BSND: variants seen among roughly 807,000 people sequenced by gnomAD.
BSND encodes barttin.
In BSND, 13 loss-of-function variants were observed where a neutral mutation model predicts 18.8. That is an observed-to-expected ratio of 0.69 (90% CI 0.45 to 1.10). The LOEUF (loss-of-function observed/expected upper bound fraction) is 1.10. BSND is among the 50% of genes least tolerant of loss of function. The pLI is 0.00. For synonymous variants in BSND, 170 were observed against 161.8 expected (o/e 1.05, Z -0.39); for missense variants, 379 against 416.7 (o/e 0.91, Z 0.79).
chr1:55,009,018 G>A lies in BSND; in HGVS notation c.*390G>A. On this transcript the variant is annotated 3_prime_UTR_variant, in exon 4 of 4. Coordinates refer to ENST00000651561, the MANE Select transcript of BSND (RefSeq NM_057176.3). ...CCTATTGTGTCTTATAGTCCACTTGGTAGATGGCGTGATCCGTCTTTACAC... is the reference window on the plus strand; with the variant it reads ...CCTATTGTGTCTTATAGTCCACTTGATAGATGGCGTGATCCGTCTTTACAC... The A allele has an allele frequency of 3.0e-6, 1 of 335,246 alleles. No homozygotes were observed. Among genetic ancestry groups the A allele is most frequent in the South Asian group, 2.6e-5 (1 of 38,728 alleles). The allele number at this position is 335,246 out of a possible 1,614,324, so 20.8% of individuals were successfully genotyped here.
rs369550458 is a variant in BSND at position 55,016,812 on chromosome 1, C to T, written c.*8184C>T. 1.6e-4 allele frequency among the ~76,000 whole-genome samples: 24 copies of T among 152,294 alleles called. No homozygotes were observed. In the South Asian group the frequency reaches 3.1e-3, roughly 20 times the overall value. Reference sequence around the variant, plus strand: ...ACTTACAGAAGGCAGTTTATCATAGCGTTGATGATGGTAGATGAAATGTGG... The same window carrying T: ...ACTTACAGAAGGCAGTTTATCATAGTGTTGATGATGGTAGATGAAATGTGG... On this transcript the variant is annotated 3_prime_UTR_variant, in exon 4 of 4. Transcript: ENST00000651561.
chr1:54,999,422 T>C, intron 1 of BSND, 59 bp downstream of exon 1: 1 of 1,528,982 alleles, frequency 6.5e-7, no homozygotes. Flanking sequence ...GGCTGGACAC[T>C]GTGCCTGTAT....
chr1:55,003,645 C>T (rs910712766), intron 1 of BSND, among the ~76,000 whole-genome samples: 5 of 152,074 alleles, frequency 3.3e-5, no homozygotes, highest in African/African-American at 4.8e-5. Flanking sequence ...AGTGGGGTCT[C>T]AACAAATATT....
intron 1 of BSND, among the ~76,000 whole-genome samples, chr1:55,002,059 A>G (rs921614562): frequency 2.6e-5 from 4 of 152,058 alleles, no homozygotes; most frequent in Non-Finnish European, 5.9e-5. Context: ...GGGCAGCCAT[A>G]CCAGTGGGGA....
At position 54,999,250 on chromosome 1, in the gene BSND, G is replaced by A. The variant is rs145048739; in HGVS notation, c.64G>A (p.Gly22Ser). The A allele has an allele frequency of 9.3e-6, 15 of 1,614,002 alleles. No individual in the cohort carries two copies. Among genetic ancestry groups the A allele is most frequent in the African/African-American group, 6.7e-5 (5 of 74,902 alleles). Residue 22 changes from glycine to serine, a missense_variant, in exon 1 of 4, where the codon GGT becomes AGT. Physicochemically the swap from Gly to Ser is moderately conservative, Grantham distance 56. Transcript: ENST00000651561. The stretch of plus-strand genomic sequence containing the variant: ...GCTGGGGCTTTTCCTGCTGGCCCTC[G>A]GTACGTTCCTCATGAGCCATGATCG... ...IVLGLFLLAL[G>S]TFLMSHDRPQ...
rs542100358 is a variant in BSND, at chr1:55,013,467, C to G, written c.*4839C>G. On this transcript the variant is annotated 3_prime_UTR_variant, in exon 4 of 4. Transcript: ENST00000651561. ...TGTGAGTCACTGCACCCAGCTGTCCCCATTTTATAGATGAGGAACTGAGGC... is the reference window on the plus strand; with the variant it reads ...TGTGAGTCACTGCACCCAGCTGTCCGCATTTTATAGATGAGGAACTGAGGC... Among the ~76,000 whole-genome samples, 1 of 152,228 alleles carries G rather than the reference C, an allele frequency of 6.6e-6. No individual in the cohort carries two copies. The highest frequency in any genetic ancestry group is 6.5e-5 in the Admixed American group (1 of 15,282).
chr1:55,008,479 A>G lies in BSND; in HGVS notation c.814A>G (p.Arg272Gly). ...ALPNNWQRYP[R>G]TKVEEKEASD... ...GCCCAACAACTGGCAGCGGTACCCA[A>G]GGACAAAGGTGGAGGAGAAGGAGGC... is the stretch of plus-strand genomic sequence containing the variant. Residue 272 changes from arginine to glycine, a missense_variant, in exon 4 of 4, where the codon AGG becomes GGG. Physicochemically the swap from Arg to Gly is moderately radical, Grantham distance 125. Coordinates refer to ENST00000651561, the MANE Select transcript of BSND (RefSeq NM_057176.3). 1 of 1,614,196 alleles carries G rather than the reference A, an allele frequency of 6.2e-7. No homozygotes were observed. Among genetic ancestry groups the G allele is most frequent in the Non-Finnish European group, 8.5e-7 (1 of 1,180,014 alleles).
rs2500340 is a variant in BSND, at chr1:54,999,070, T to C, written c.-117T>C. 949,640 of 1,292,140 alleles carry C rather than the reference T, an allele frequency of 0.73. 355,179 individuals are homozygous for C. The highest frequency in any genetic ancestry group is 0.78 in the Non-Finnish European group (713,143 of 913,888). The allele number at this position is 1,292,140 out of a possible 1,614,324, so 80.0% of individuals were successfully genotyped here. On this transcript the variant is annotated 5_prime_UTR_variant, in exon 1 of 4. Transcript: ENST00000651561. Reference sequence around the variant, plus strand: ...GGGATCTTGCTCTCCCTTGAAGCCTTGAGTTGCAGCGATTTCAGTGTCTTC... The same window carrying C: ...GGGATCTTGCTCTCCCTTGAAGCCTCGAGTTGCAGCGATTTCAGTGTCTTC...
intron 3 of BSND, 102 bp from the exon 4 acceptor site, chr1:55,008,112 G>C: frequency 1.1e-6 from 1 of 949,854 alleles, no homozygotes; most frequent in Admixed American, 2.1e-5. Context: ...GGCCCGGGAA[G>C]GTGGATTATC....
In BSND at chr1:54,999,476, T is replaced by C. The variant is rs1422561684; in HGVS notation, c.177+113T>C. 4 of 1,128,032 alleles carry C rather than the reference T, an allele frequency of 3.5e-6. No individual in the cohort carries two copies. In the East Asian group the frequency reaches 1.0e-4, roughly 29 times the overall value. The allele number at this position is 1,128,032 out of a possible 1,614,324, so 69.9% of individuals were successfully genotyped here. On this transcript the variant is annotated intron_variant, in intron 1 of 3. Transcript: ENST00000651561. ...TCCTTTAGTTGTCTTTTCATTCTTC[T>C]CATTTTGACTCGGTCTTCTCTCTGC... is the stretch of plus-strand genomic sequence containing the variant.
Position 55,013,525 on chromosome 1 carries a change from G to A in BSND, c.*4897G>A, listed in dbSNP as rs12075602. ...AGCTGAATAATTTGCCCATCCTTGC[G>A]GAGAAGAGCTAAATGGAGGAGAGGA... is the stretch of plus-strand genomic sequence containing the variant. On this transcript the variant is annotated 3_prime_UTR_variant, in exon 4 of 4. Coordinates refer to ENST00000651561, the MANE Select transcript of BSND (RefSeq NM_057176.3). Among the ~76,000 whole-genome samples the A allele has an allele frequency of 0.19, 29,024 of 152,020 alleles. 3,840 individuals carry two copies. Among genetic ancestry groups the A allele is most frequent in the African/African-American group, 0.38 (15,680 of 41,384 alleles).
In BSND at chr1:55,008,300, A is replaced by T. The variant is rs200071888; in HGVS notation, c.635A>T (p.Asn212Ile). The change falls in exon 4 of 4, where the codon AAT becomes ATT. Residue 212 changes from asparagine to isoleucine, a missense_variant. Transcript: ENST00000651561. The part of the protein sequence containing the change: ...DMDSSEGSSP[N>I]ASPHDREEAC... ...GACTCCAGTGAAGGCAGCAGCCCCA[A>T]TGCATCTCCACATGACAGGGAGGAA... The T allele has an allele frequency of 6.2e-7, 1 of 1,614,052 alleles. No individual in the cohort carries two copies. Among genetic ancestry groups the T allele is most frequent in the Non-Finnish European group, 8.5e-7 (1 of 1,180,036 alleles).
At chr1:55,000,638 GC>G (rs1459010262) in intron 1 of BSND, among the ~76,000 whole-genome samples, 1 of 152,234 alleles carries the variant, frequency 6.6e-6, no homozygotes, top group Non-Finnish European at 1.5e-5. Flanking sequence ...CCCCAGCCCT[GC>G]CCCCTCCACG....
At chr1:55,002,169 T>C (rs1644364480) in intron 1 of BSND, among the ~76,000 whole-genome samples, 1 of 152,202 alleles carries the variant, frequency 6.6e-6, no homozygotes, top group African/African-American at 2.4e-5. Flanking sequence ...ACAGTTCACT[T>C]CACATAGAGT....
At chr1:55,005,160 G>A (rs1644383425) in intron 2 of BSND, 44 bp downstream of exon 2, 2 of 1,577,146 alleles carry the variant, frequency 1.3e-6, no homozygotes, top group Non-Finnish European at 8.7e-7. Flanking sequence ...AAGCCCCATA[G>A]GCCAGTCTCC....
rs375551000 is a variant in BSND at position 55,007,270 on chromosome 1, C to T, written c.546C>T (p.Pro182=). The T allele has an allele frequency of 9.0e-5, 122 of 1,349,476 alleles. No homozygotes were observed. The highest frequency in any genetic ancestry group is 4.2e-4 in the Middle Eastern group (2 of 4,730). 83.6% of individuals were successfully genotyped at this position (1,349,476 alleles called of 1,614,324 possible). ...AAAGACGCCTAACTCAGAGCTGGCCCGGGTGAGTGCTTAGAGGGCAGGAGT... is the reference window on the plus strand; with the variant it reads ...AAAGACGCCTAACTCAGAGCTGGCCTGGGTGAGTGCTTAGAGGGCAGGAGT... ...EGERRLTQSW[P]GPLACPQGPA... Residue 182 remains proline (P), a splice_region_variant and synonymous_variant, in exon 3 of 4, where the codon CCC becomes CCT. Coordinates refer to ENST00000651561, the MANE Select transcript of BSND (RefSeq NM_057176.3).
intron 2 of BSND, among the ~76,000 whole-genome samples, chr1:55,005,760 G>A (rs942369836): frequency 7.9e-5 from 12 of 152,214 alleles, no homozygotes; most frequent in Non-Finnish European, 2.9e-5. Flanking sequence ...ACCCTGTAAG[G>A]TGGGGGTGTT....
Position 55,008,366 on chromosome 1 carries a change from C to A in BSND, c.701C>A (p.Pro234Gln), listed in dbSNP as rs563130435. ...PQQEPQGCRC[P>Q]LDRFQDFALI... ...CAGGAACCTCAGGGCTGCAGGTGCC[C>A]GCTGGACCGCTTCCAAGACTTTGCC... is the stretch of plus-strand genomic sequence containing the variant. The change falls in exon 4 of 4, where the codon CCG becomes CAG. Residue 234 changes from proline (P) to glutamine (Q), a missense_variant. Transcript: ENST00000651561. The A allele has an allele frequency of 6.2e-7, 1 of 1,614,074 alleles. No individual in the cohort carries two copies. Among genetic ancestry groups the A allele is most frequent in the Admixed American group, 1.7e-5 (1 of 60,006 alleles).
In BSND at chr1:55,010,552, C is replaced by A. The variant is rs1320918941; in HGVS notation, c.*1924C>A. 1 of 151,584 alleles carries A rather than the reference C, an allele frequency of 6.6e-6. No homozygotes were observed. The highest frequency in any genetic ancestry group is 2.5e-5 in the African/African-American group (1 of 40,750). The allele number at this position is 151,584 out of a possible 1,614,324, so 9.4% of individuals were successfully genotyped here. A position where few individuals can be genotyped will look rare whatever the true frequency, so the allele number is the denominator to read the frequency against. ...GGGTTCTGGGTTGAGGCTGGGGTTCCCGGCCTAGGGAAGGGCTTCCGGGTT... is the reference window on the plus strand; with the variant it reads ...GGGTTCTGGGTTGAGGCTGGGGTTCACGGCCTAGGGAAGGGCTTCCGGGTT... On this transcript the variant is annotated 3_prime_UTR_variant, in exon 4 of 4. Transcript: ENST00000651561.
Sources: allele counts gnomAD v4.1 joint callset (sites outside exome capture counted in the v4.1 genomes callset), GRCh38; gene constraint gnomAD v4.1.1; transcripts MANE v1.5; gene names NCBI Gene and HGNC (gene_info 2026-07-23, HGNC 2026-07-21).